The following AGTPBP1 variants were observed in gnomAD, a reference collection of about 807,000 sequenced individuals.
AGTPBP1 encodes the protein ATP/GTP binding carboxypeptidase 1.
In AGTPBP1, 70 loss-of-function variants were observed where a neutral mutation model predicts 143.9. The observed-to-expected ratio is 0.49, with a 90% CI of 0.40 to 0.59. The LOEUF (loss-of-function observed/expected upper bound fraction) is 0.59, where lower values mean the gene tolerates loss of function less well. AGTPBP1 is among the 20% of genes least tolerant of loss of function. The pLI, the probability that AGTPBP1 is intolerant of heterozygous loss-of-function variation, is 0.00. For synonymous variants in AGTPBP1, 463 were observed against 500.2 expected (o/e 0.93, Z 0.99); for missense variants, 1,229 against 1,464.5 (o/e 0.84, Z 2.62).
intron 23 of AGTPBP1, among the ~76,000 whole-genome samples, chr9:85,582,057 C>G (rs1387951562): frequency 1.3e-5 from 2 of 152,088 alleles, no homozygotes; most frequent in Admixed American, 6.6e-5. Context: ...GTTTTGTAAA[C>G]CTTTTATTTT....
intron 1 of AGTPBP1, chr9:85,741,477 C>A: frequency 1.0e-6 from 1 of 985,396 alleles, no homozygotes; most frequent in Non-Finnish European, 1.2e-6. Context: ...CGCCCAGAGA[C>A]CGCGCCCGAT....
the AGTPBP1 span, among the ~76,000 whole-genome samples, chr9:85,779,198 T>C: frequency 9.0e-5 from 7 of 77,754 alleles, no homozygotes; most frequent in Non-Finnish European, 1.5e-4. Context: ...GATATAGATA[T>C]AGATATAGAT....
At position 85,632,738 on chromosome 9, in the gene AGTPBP1, C is replaced by T. The variant is rs778429370; in HGVS notation, c.1939G>A (p.Ala647Thr). Residue 647 changes from alanine (A) to threonine (T), a missense_variant, in exon 14 of 26, where the codon GCT becomes ACT. By Grantham distance (58) the Ala-to-Thr change is moderately conservative. This residue lies in a region of AGTPBP1 where 743 missense variants were observed against 812.2 expected (regional missense o/e 0.91). Coordinates refer to ENST00000357081, the MANE Select transcript of AGTPBP1 (RefSeq NM_001330701.2). Reference protein sequence around the residue: ...TKSVPEYSEVAYPDYFGHIPP... With the variant: ...TKSVPEYSEVTYPDYFGHIPP... ...ATGTGACCAAAATAATCGGGATAAG[C>T]CACCTCTGAATATTCTGGGACAGAC... 1 of 1,614,088 alleles carries T rather than the reference C, an allele frequency of 6.2e-7. No individual in the cohort carries two copies.
At chr9:85,714,160 TCTC>T (rs1187348199) in intron 1 of AGTPBP1, among the ~76,000 whole-genome samples, 1 of 152,218 alleles carries the variant, frequency 6.6e-6, no homozygotes, top group Non-Finnish European at 1.5e-5. Context: ...CAGGCATTTC[TCTC>T]CTCTTACTCT....
At chr9:85,566,407 G>C (rs35572086) in intron 25 of AGTPBP1, among the ~76,000 whole-genome samples, 21,902 of 151,520 alleles carry the variant, frequency 0.14, 2,250 homozygotes, top group East Asian at 0.51. Context: ...GTATGTGCCT[G>C]TAGTCCCAGC....
chr9:85,733,202 T>G (rs890123772), intron 1 of AGTPBP1, among the ~76,000 whole-genome samples: 2 of 152,184 alleles, frequency 1.3e-5, no homozygotes, highest in African/African-American at 4.8e-5. Context: ...ACACAGAACA[T>G]TCTCCAAAAC....
chr9:85,710,885 A>AT (rs1837322697), intron 2 of AGTPBP1, among the ~76,000 whole-genome samples: 1 of 152,180 alleles, frequency 6.6e-6, no homozygotes, highest in African/African-American at 2.4e-5. Context: ...AAAGTAAGGC[A>AT]TTTTTTAAAA....
chr9:85,680,126 T>C (rs1224947142), intron 4 of AGTPBP1, among the ~76,000 whole-genome samples: 2 of 152,248 alleles, frequency 1.3e-5, no homozygotes, highest in Non-Finnish European at 2.9e-5. Flanking sequence ...TACACTATAG[T>C]AGTAGTCTAT....
upstream of AGTPBP1, among the ~76,000 whole-genome samples, chr9:85,744,701 A>G (rs539120735): frequency 6.6e-6 from 1 of 152,296 alleles, no homozygotes; most frequent in South Asian, 2.1e-4. Context: ...GCTCCACCCC[A>G]TTCCCCCAGT....
rs1348245469 is a variant in AGTPBP1 at position 85,704,459 on chromosome 9, T to C, written c.32+8043A>G. On this transcript the variant is annotated intron_variant, in intron 2 of 25. Coordinates refer to ENST00000357081, the MANE Select transcript of AGTPBP1 (RefSeq NM_001330701.2). ...AGGGAATTGTGTCTGATCCCACCAA[T>C]CAAAATTTTAAAATCTCATGATTAG... is the stretch of plus-strand genomic sequence containing the variant. Among the ~76,000 whole-genome samples, 6 of 152,180 alleles carry C rather than the reference T, an allele frequency of 3.9e-5. No individual in the cohort carries two copies. In the East Asian group the frequency reaches 1.2e-3, roughly 29 times the overall value.
In AGTPBP1 at chr9:85,594,187, C is replaced by A. The variant is rs554489788; in HGVS notation, c.2424-1483G>T. Among the ~76,000 whole-genome samples, 11 of 152,222 alleles carry A rather than the reference C, an allele frequency of 7.2e-5. No individual in the cohort carries two copies. In the South Asian group the frequency reaches 2.3e-3, roughly 32 times the overall value. Reference sequence around the variant, plus strand: ...TATATGGCAGTTTCTAGTTTATAAACCAGTGAAACATATATTATTTCATAT... The same window carrying A: ...TATATGGCAGTTTCTAGTTTATAAAACAGTGAAACATATATTATTTCATAT... On this transcript the variant is annotated intron_variant, in intron 18 of 25. Transcript: ENST00000357081.
At chr9:85,700,587 T>C (rs986874927) in intron 2 of AGTPBP1, among the ~76,000 whole-genome samples, 2 of 152,206 alleles carry the variant, frequency 1.3e-5, no homozygotes, top group East Asian at 1.9e-4. Flanking sequence ...ACACTAGGCA[T>C]AGCCATGTAT....
At chr9:85,601,920 C>T (rs1829698421) in intron 17 of AGTPBP1, among the ~76,000 whole-genome samples, 1 of 152,108 alleles carries the variant, frequency 6.6e-6, no homozygotes, top group African/African-American at 2.4e-5. Flanking sequence ...ATTACAGGGG[C>T]CACATTACTG....
intron 19 of AGTPBP1, among the ~76,000 whole-genome samples, chr9:85,590,996 A>C (rs1238232164): frequency 1.3e-5 from 2 of 152,168 alleles, no homozygotes; most frequent in Non-Finnish European, 2.9e-5. Flanking sequence ...ATTTTATGTG[A>C]ATCAGAAATA....
the AGTPBP1 span, chr9:85,756,076 A>G: frequency 6.5e-7 from 1 of 1,534,420 alleles, no homozygotes; most frequent in Non-Finnish European, 8.7e-7. Context: ...TAATGTAGAA[A>G]TTGGATAAGC....
At chr9:85,635,830 G>GA (rs879908304) in intron 13 of AGTPBP1, among the ~76,000 whole-genome samples, 324 of 130,852 alleles carry the variant, frequency 2.5e-3, no homozygotes, top group African/African-American at 4.8e-3. Flanking sequence ...CACCACAAAA[G>GA]AAAAAAAAAA....
At chr9:85,750,143 A>C in the AGTPBP1 span, among the ~76,000 whole-genome samples, 2 of 152,140 alleles carry the variant, frequency 1.3e-5, no homozygotes, top group African/African-American at 4.8e-5. Context: ...TGGCCTCCCA[A>C]AGTGCTGGGA....
At chr9:85,601,218 G>A (rs1829647522) in intron 17 of AGTPBP1, among the ~76,000 whole-genome samples, 4 of 152,138 alleles carry the variant, frequency 2.6e-5, no homozygotes, top group Admixed American at 2.0e-4. Context: ...ATTTGCAAGC[G>A]CCCTGGGGGC....
the AGTPBP1 span, chr9:85,773,879 T>A: frequency 1.2e-6 from 2 of 1,610,964 alleles, no homozygotes; most frequent in Non-Finnish European, 8.5e-7. Flanking sequence ...AACAATTATA[T>A]AATGAAGAAA....
Sources: allele counts gnomAD v4.1 joint callset (sites outside exome capture counted in the v4.1 genomes callset), GRCh38; gene constraint gnomAD v4.1.1; regional missense constraint gnomAD v4.1.1; transcripts MANE v1.5; gene names NCBI Gene and HGNC (gene_info 2026-07-23, HGNC 2026-07-21).